Variants in EYS observed in about 807,000 individuals in gnomAD.
EYS encodes EGF-like photoreceptor maintenance factor.
In EYS, 250 loss-of-function variants were observed where a neutral mutation model predicts 282.1. The ratio of observed to expected loss-of-function variants is 0.89; its 90% CI spans 0.80 to 0.98. EYS has a LOEUF of 0.98. EYS is among the 50% of genes least tolerant of loss of function. The pLI is 0.00. For missense variants in EYS, 4,016 were observed against 3,709.0 expected (o/e 1.08, Z -2.15); for synonymous variants, 1,355 against 1,282.9 (o/e 1.06, Z -1.20).
At chr6:63,932,862 C>T (rs1272197290) in intron 35 of EYS, among the ~76,000 whole-genome samples, 1 of 152,210 alleles carries the variant, frequency 6.6e-6, no homozygotes. Flanking sequence ...GCACTCAGAT[C>T]CATAAGACTT....
chr6:65,162,699 C>T lies in EYS; in HGVS notation c.2024-104972G>A, dbSNP rs551466334. On this transcript the variant is annotated intron_variant, in intron 12 of 42. Transcript: ENST00000503581. Reference sequence around the variant, plus strand: ...TCTTATATTATTAAGAAAAACAGTCCTGATAATCCTGATAATTTTTCTTAT... The same window carrying T: ...TCTTATATTATTAAGAAAAACAGTCTTGATAATCCTGATAATTTTTCTTAT... 1.3e-5 allele frequency among the ~76,000 whole-genome samples: 2 copies of T among 150,832 alleles called. 1 individual carries two copies. Among genetic ancestry groups the T allele is most frequent in the East Asian group, 3.9e-4 (2 of 5,096 alleles).
chr6:63,831,677 G>T (rs1369636973), intron 36 of EYS, among the ~76,000 whole-genome samples: 1 of 152,092 alleles, frequency 6.6e-6, no homozygotes, highest in South Asian at 2.1e-4. Flanking sequence ...AGTTAACAAG[G>T]ATATCCAGGT....
intron 30 of EYS, among the ~76,000 whole-genome samples, chr6:64,303,834 C>T (rs1349273797): frequency 4.0e-5 from 4 of 100,864 alleles, no homozygotes; most frequent in South Asian, 3.7e-4. Flanking sequence ...GAGCGAAACT[C>T]CGTCTCAAAA....
At chr6:64,961,174 T>C (rs143782389) in intron 14 of EYS, among the ~76,000 whole-genome samples, 152 of 152,280 alleles carry the variant, frequency 1.0e-3, no homozygotes, top group Admixed American at 2.3e-3. Context: ...TACCTAGGAA[T>C]GGGATTGCAG....
At chr6:64,475,160 AT>A (rs760003473) in intron 26 of EYS, among the ~76,000 whole-genome samples, 32 of 152,170 alleles carry the variant, frequency 2.1e-4, no homozygotes, top group Non-Finnish European at 4.6e-4. Context: ...TCTCTCCTTA[AT>A]TTGACAAGTT....
chr6:65,437,369 T>A (rs1013166349), intron 5 of EYS, among the ~76,000 whole-genome samples: 18 of 152,132 alleles, frequency 1.2e-4, no homozygotes, highest in Admixed American at 9.8e-4. Context: ...AATTCATGCA[T>A]GAACATTAAC....
At chr6:64,889,380 G>A (rs1188821773) in intron 18 of EYS, among the ~76,000 whole-genome samples, 1 of 151,744 alleles carries the variant, frequency 6.6e-6, no homozygotes, top group African/African-American at 2.4e-5. Context: ...TAGTTATCTT[G>A]AAGATACATG....
chr6:64,981,779 G>C (rs1004363229), intron 14 of EYS, among the ~76,000 whole-genome samples: 1 of 151,308 alleles, frequency 6.6e-6, no homozygotes, highest in African/African-American at 2.4e-5. Context: ...TTTCTCTCAA[G>C]AGGTTTCCTC....
At chr6:65,320,966 C>T (rs1406724814) in intron 11 of EYS, among the ~76,000 whole-genome samples, 1 of 152,196 alleles carries the variant, frequency 6.6e-6, no homozygotes, top group East Asian at 1.9e-4. Flanking sequence ...AACCTGACTT[C>T]TCCCTCTGCT....
intron 34 of EYS, among the ~76,000 whole-genome samples, chr6:63,994,679 C>T (rs1175532002): frequency 6.6e-6 from 1 of 151,918 alleles, no homozygotes. Context: ...AACCCCTACT[C>T]ATCATCAAGA....
At chr6:65,658,904 A>G (rs1158549075) in intron 1 of EYS, among the ~76,000 whole-genome samples, 1 of 149,482 alleles carries the variant, frequency 6.7e-6, no homozygotes, top group African/African-American at 2.4e-5. Context: ...TATAAAAATG[A>G]TCTTTAAACC....
At chr6:65,583,322 G>T (rs973573694) in intron 2 of EYS, among the ~76,000 whole-genome samples, 8 of 151,900 alleles carry the variant, frequency 5.3e-5, no homozygotes, top group Non-Finnish European at 7.4e-5. Flanking sequence ...AAATGCAGAG[G>T]ATAGTTTAAT....
intron 31 of EYS, among the ~76,000 whole-genome samples, chr6:64,123,301 TA>T (rs1242943769): frequency 2.0e-5 from 3 of 152,176 alleles, no homozygotes; most frequent in Admixed American, 6.5e-5. Context: ...AATATTATAT[TA>T]AAAATACTAT....
At chr6:63,765,415 C>T (rs913790514) in intron 40 of EYS, among the ~76,000 whole-genome samples, 1 of 151,210 alleles carries the variant, frequency 6.6e-6, no homozygotes, top group African/African-American at 2.4e-5. Flanking sequence ...GTGAGATTTG[C>T]CCGTATAAAT....
At chr6:65,414,404 G>A (rs763414579) in intron 5 of EYS, among the ~76,000 whole-genome samples, 12 of 152,118 alleles carry the variant, frequency 7.9e-5, no homozygotes, top group African/African-American at 2.7e-4. Context: ...GGAAAGCAGA[G>A]AGACAAGATT....
chr6:64,452,945 A>T (rs1340708346), intron 26 of EYS, among the ~76,000 whole-genome samples: 2 of 152,228 alleles, frequency 1.3e-5, no homozygotes, highest in Non-Finnish European at 2.9e-5. Flanking sequence ...GGACATAGGC[A>T]TGGGCAAGGA....
chr6:65,012,465 C>G (rs1406039036), intron 13 of EYS, among the ~76,000 whole-genome samples: 1 of 152,100 alleles, frequency 6.6e-6, no homozygotes, highest in Non-Finnish European at 1.5e-5. Flanking sequence ...TACTTTAAAG[C>G]AGAAAATATA....
chr6:65,557,484 AGAG>A (rs1768862438), intron 2 of EYS, among the ~76,000 whole-genome samples: 2 of 152,204 alleles, frequency 1.3e-5, no homozygotes, highest in Admixed American at 1.3e-4. Flanking sequence ...ACCAGCATCC[AGAG>A]GAGGAGAACG....
At chr6:64,038,368 G>A (rs1161372094) in intron 33 of EYS, among the ~76,000 whole-genome samples, 1 of 151,982 alleles carries the variant, frequency 6.6e-6, no homozygotes, top group East Asian at 1.9e-4. Flanking sequence ...ATGTTAATTA[G>A]CTATATTTTA....
Sources: gnomAD v4.1 joint callset for allele counts (sites outside exome capture counted in the v4.1 genomes callset) on GRCh38, gnomAD v4.1.1 for gene constraint, MANE v1.5 for transcripts, NCBI Gene and HGNC (gene_info 2026-07-23, HGNC 2026-07-21) for gene names.